The following CCDC7 variants were observed in gnomAD, a reference collection of about 807,000 sequenced individuals.
The protein encoded by CCDC7 is coiled-coil domain containing 7.
A neutral mutation model predicts 196.9 loss-of-function variants in CCDC7; 183 were observed. That is an observed-to-expected ratio of 0.93 (90% CI 0.82 to 1.05). The LOEUF is 1.05. Ranked by LOEUF, CCDC7 falls within the 50% of genes least tolerant of loss-of-function variation. The pLI is 0.00. For synonymous variants in CCDC7, 525 were observed against 484.6 expected (o/e 1.08, Z -1.10); for missense variants, 1,540 against 1,482.2 (o/e 1.04, Z -0.64).
chr10:32,510,291 A>T (rs2045903866), intron 9 of CCDC7, among the ~76,000 whole-genome samples: 1 of 152,228 alleles, frequency 6.6e-6, no homozygotes, highest in African/African-American at 2.4e-5. Flanking sequence ...TTAGGAGCTG[A>T]AAAGGTGTAG....
chr10:32,700,093 C>T (rs2078419410), intron 24 of CCDC7, among the ~76,000 whole-genome samples: 1 of 149,410 alleles, frequency 6.7e-6, no homozygotes, highest in South Asian at 2.1e-4. Flanking sequence ...CTTTTGTTGC[C>T]ATTGCTTTTG....
intron 25 of CCDC7, among the ~76,000 whole-genome samples, chr10:32,716,400 AC>A (rs2081582988): frequency 6.6e-6 from 1 of 152,258 alleles, no homozygotes; most frequent in African/African-American, 2.4e-5. Flanking sequence ...TGAAGGAAGC[AC>A]TAAATATGGA....
At chr10:32,780,605 G>A (rs1005378269) in intron 29 of CCDC7, among the ~76,000 whole-genome samples, 6 of 151,818 alleles carry the variant, frequency 4.0e-5, no homozygotes, top group Admixed American at 3.9e-4. Context: ...TTATTTGCTT[G>A]GTAATCACAA....
intron 4 of CCDC7, 140 bp downstream of exon 5, chr10:32,462,843 A>G: frequency 1.6e-6 from 2 of 1,271,584 alleles, no homozygotes; most frequent in Non-Finnish European, 2.1e-6. Context: ...TTTTATGTTC[A>G]TTTGTATAGT....
At chr10:32,881,970 A>C (rs1472907099), downstream of CCDC7, among the ~76,000 whole-genome samples, 1 of 152,204 alleles carries the variant, frequency 6.6e-6, no homozygotes, top group Non-Finnish European at 1.5e-5. Flanking sequence ...GCAACAGATA[A>C]AGGGTGGGTA....
At chr10:32,620,922 C>T (rs924826488) in intron 18 of CCDC7, among the ~76,000 whole-genome samples, 5 of 152,076 alleles carry the variant, frequency 3.3e-5, no homozygotes, top group African/African-American at 9.7e-5. Context: ...CAAAATAATA[C>T]CATTAAGTAC....
intron 33 of CCDC7, among the ~76,000 whole-genome samples, chr10:32,840,538 G>A (rs1288830932): frequency 1.3e-5 from 2 of 151,894 alleles, no homozygotes; most frequent in Non-Finnish European, 2.9e-5. Flanking sequence ...AAAAAGTTCA[G>A]GACCAAATGG....
chr10:32,512,012 C>T, intron 9 of CCDC7: 1 of 405,560 alleles, frequency 2.5e-6, no homozygotes, highest in Non-Finnish European at 4.5e-6. Flanking sequence ...AGCTAATAGA[C>T]ATATTCTTCA....
intron 41 of CCDC7, among the ~76,000 whole-genome samples, chr10:32,872,573 C>G (rs2094467084): frequency 1.3e-5 from 2 of 151,926 alleles, no homozygotes; most frequent in South Asian, 4.2e-4. Flanking sequence ...GAATTTGATC[C>G]TGTCATTATG....
intron 11 of CCDC7, among the ~76,000 whole-genome samples, chr10:32,537,032 G>A (rs1297995020): frequency 6.6e-6 from 1 of 152,082 alleles, no homozygotes; most frequent in African/African-American, 2.4e-5. Flanking sequence ...TGAGATTGCT[G>A]GGTCAAATAG....
rs930952213 is a variant in CCDC7, at chr10:32,582,948, T to A, written c.1455-86T>A. 1.1e-4 allele frequency: 86 copies of A among 758,240 alleles called. No individual in the cohort carries two copies. The African/African-American group carries it at 1.4e-3, about 13-fold the overall frequency. The allele number at this position is 758,240 out of a possible 1,614,324, so 47.0% of individuals were successfully genotyped here. A position where few individuals can be genotyped will look rare whatever the true frequency, so the allele number is the denominator to read the frequency against. ...AGTAATTATACTTACTTATTTAATATCCTTATATATTATTAAAATGATTCT... is the reference window on the plus strand; with the variant it reads ...AGTAATTATACTTACTTATTTAATAACCTTATATATTATTAAAATGATTCT... On this transcript the variant is annotated intron_variant, in intron 16 of 41. Transcript: ENST00000639629.
intron 25 of CCDC7, among the ~76,000 whole-genome samples, chr10:32,723,223 C>T (rs544780428): frequency 6.6e-6 from 1 of 152,198 alleles, no homozygotes; most frequent in East Asian, 1.9e-4. Context: ...CCCAGATGGT[C>T]CTGGAGAGAG....
intron 3 of CCDC7, among the ~76,000 whole-genome samples, chr10:32,459,684 C>G (rs2035204785): frequency 1.0e-5 from 1 of 95,360 alleles, no homozygotes; most frequent in Admixed American, 1.1e-4. Flanking sequence ...GCTGTTAGCA[C>G]TCTTCAAATA....
At chr10:32,576,106 G>C (rs1456230844) in intron 16 of CCDC7, among the ~76,000 whole-genome samples, 1 of 152,068 alleles carries the variant, frequency 6.6e-6, no homozygotes, top group East Asian at 1.9e-4. Context: ...CTGACAAACA[G>C]ATCTGTTTTT....
intron 9 of CCDC7, among the ~76,000 whole-genome samples, chr10:32,495,907 GT>G (rs1357962611): frequency 2.0e-5 from 3 of 151,806 alleles, no homozygotes; most frequent in Non-Finnish European, 2.9e-5. Flanking sequence ...ATTTAAAGTA[GT>G]TTTTTTTCTA....
chr10:32,597,389 C>T (rs1218047776), intron 18 of CCDC7, among the ~76,000 whole-genome samples: 1 of 152,172 alleles, frequency 6.6e-6, no homozygotes. Context: ...TTAAGGACTT[C>T]TCTACACTGT....
chr10:32,605,555 C>G (rs1564806164), intron 18 of CCDC7, among the ~76,000 whole-genome samples: 1 of 152,160 alleles, frequency 6.6e-6, no homozygotes, highest in African/African-American at 2.4e-5. Context: ...GAGGAGGTCT[C>G]AAGATGCAAA....
At chr10:32,663,963 CAG>C (rs10560967) in intron 20 of CCDC7, 89 bp from the exon 22 acceptor site, 103,466 of 379,770 alleles carry the variant, frequency 0.27, 15,356 homozygotes, top group South Asian at 0.44. Context: ...AAAAATGAGA[CAG>C]AATATGGCTG....
At chr10:32,571,339 A>G (rs11008979) in intron 15 of CCDC7, among the ~76,000 whole-genome samples, 17,199 of 152,010 alleles carry the variant, frequency 0.11, 1,173 homozygotes, top group South Asian at 0.27. Context: ...TACTTCTGTA[A>G]ACATATTTGA....
Sources: allele counts gnomAD v4.1 joint callset (sites outside exome capture counted in the v4.1 genomes callset), GRCh38; gene constraint gnomAD v4.1.1; transcripts MANE v1.5; gene names NCBI Gene and HGNC (gene_info 2026-07-23, HGNC 2026-07-21).